SPEF2: variants seen among roughly 807,000 people sequenced by gnomAD.
The protein encoded by SPEF2 is sperm flagellar and cilia associated 2.
SPEF2 carries 187 observed loss-of-function variants against 224.6 expected under a neutral mutation model. That is an observed-to-expected ratio of 0.83 (90% CI 0.74 to 0.94). The LOEUF is 0.94. Among genes scored for constraint, SPEF2 ranks in the 40% least tolerant of loss-of-function variants. The pLI is 0.00. For synonymous variants in SPEF2, 715 were observed against 707.3 expected (o/e 1.01, Z -0.17); for missense variants, 2,170 against 2,135.6 (o/e 1.02, Z -0.32).
chr5:35,794,602 T>G (rs1756410520), intron 32 of SPEF2, among the ~76,000 whole-genome samples: 2 of 152,200 alleles, frequency 1.3e-5, no homozygotes, highest in South Asian at 4.1e-4. Flanking sequence ...TTACTCTGTT[T>G]CCATAGCTGT....
At chr5:35,756,268 G>A (rs765398557) in intron 24 of SPEF2, among the ~76,000 whole-genome samples, 2 of 152,112 alleles carry the variant, frequency 1.3e-5, no homozygotes, top group African/African-American at 2.4e-5. Context: ...AAAAATCATA[G>A]TGTATATAAG....
At chr5:35,762,367 A>G (rs1338914547) in intron 25 of SPEF2, among the ~76,000 whole-genome samples, 1 of 152,224 alleles carries the variant, frequency 6.6e-6, no homozygotes, top group Non-Finnish European at 1.5e-5. Context: ...TGATCGCACA[A>G]GCCTTACCCG....
chr5:35,628,297 A>G (rs558814535), intron 1 of SPEF2, among the ~76,000 whole-genome samples, 163 bp from the exon 2 acceptor site: 5 of 152,262 alleles, frequency 3.3e-5, no homozygotes, highest in East Asian at 1.9e-4. Context: ...TTAAATGTCA[A>G]CCTTTTCCTT....
intron 2 of SPEF2, among the ~76,000 whole-genome samples, chr5:35,639,956 T>C (rs1746366361): frequency 6.6e-6 from 1 of 152,136 alleles, no homozygotes; most frequent in African/African-American, 2.4e-5. Flanking sequence ...TCCACCAATT[T>C]ACACACAAGT....
intron 21 of SPEF2, among the ~76,000 whole-genome samples, chr5:35,736,734 G>C (rs1052723847): frequency 6.6e-6 from 1 of 152,262 alleles, no homozygotes; most frequent in South Asian, 2.1e-4. Flanking sequence ...TTACAAAATT[G>C]GTCTTGTTTG....
chr5:35,648,607 T>G (rs1747742877), intron 5 of SPEF2, among the ~76,000 whole-genome samples: 1 of 152,148 alleles, frequency 6.6e-6, no homozygotes, highest in Non-Finnish European at 1.5e-5. Context: ...ATTACAGGTG[T>G]GAGCCACTGC....
intron 8 of SPEF2, among the ~76,000 whole-genome samples, chr5:35,664,433 G>A (rs181109945): frequency 5.3e-4 from 80 of 152,214 alleles, no homozygotes; most frequent in Non-Finnish European, 1.0e-3. Context: ...GCTCACACCT[G>A]TAATCCCACC....
rs1337345228 is a variant in SPEF2, at chr5:35,618,050, C to T, written c.53C>T (p.Thr18Ile). The T allele has an allele frequency of 1.3e-6, 2 of 1,584,184 alleles. No homozygotes were observed. Among genetic ancestry groups the T allele is most frequent in the Middle Eastern group, 3.3e-4 (2 of 6,020 alleles). The part of the protein sequence containing the change: ...WLNKELKVSR[T>I]VSPKSFAKAF... ...AACAAGGAGTTGAAGGTGTCCCGGA[C>T]CGTGAGTGAGTGACCACGGCCAGGG... Residue 18 changes from threonine to isoleucine, a missense_variant, in exon 1 of 37, where the codon ACC becomes ATC. Thr to Ile is a moderately conservative substitution (Grantham distance 89). Transcript: ENST00000356031.
Position 35,748,561 on chromosome 5 carries a change from C to T in SPEF2, c.3331-5063C>T, listed in dbSNP as rs530625409. On this transcript the variant is annotated intron_variant, in intron 23 of 36. Transcript: ENST00000356031. ...TATGAACACCTTTACACACATAAAC[C>T]TGAAAACCTAGAAGAGTTGGATATA... 1.9e-4 allele frequency among the ~76,000 whole-genome samples: 29 copies of T among 152,130 alleles called. No homozygotes were observed. The East Asian group carries it at 5.6e-3, about 29-fold the overall frequency.
At position 35,645,304 on chromosome 5, in the gene SPEF2, AG is replaced by A. The variant is rs201270959; in HGVS notation, c.585+782del. ...ATTCTGAATGTAGTCAGCTCTTTGT[AG>A]GGAAGAATGGGAAGATGACAGACAA... On this transcript the variant is annotated intron_variant, in intron 4 of 36. Coordinates refer to ENST00000356031, the MANE Select transcript of SPEF2 (RefSeq NM_024867.4). Among the ~76,000 whole-genome samples the A allele has an allele frequency of 4.7e-3, 719 of 152,298 alleles. 20 individuals are homozygous for A. Among genetic ancestry groups the A allele is most frequent in the Admixed American group, 0.035 (531 of 15,304 alleles).
At chr5:35,808,579 T>C (rs1368344968) in intron 36 of SPEF2, among the ~76,000 whole-genome samples, 1 of 152,078 alleles carries the variant, frequency 6.6e-6, no homozygotes, top group Admixed American at 6.6e-5. Flanking sequence ...GGACATGAAG[T>C]CATCCTTTTA....
intron 34 of SPEF2, among the ~76,000 whole-genome samples, chr5:35,801,162 G>A (rs892962191): frequency 3.9e-5 from 6 of 152,346 alleles, no homozygotes; most frequent in African/African-American, 7.2e-5. Flanking sequence ...TCAGCCTGGA[G>A]TGTGTATTTC....
chr5:35,691,833 C>G (rs1025856191), intron 11 of SPEF2, among the ~76,000 whole-genome samples: 1 of 152,034 alleles, frequency 6.6e-6, no homozygotes, highest in African/African-American at 2.4e-5. Flanking sequence ...GAGTCTCGCT[C>G]TGTTGGCCCA....
chr5:35,794,097 G>A lies in SPEF2; in HGVS notation c.4737+756G>A, dbSNP rs773330399. Among the ~76,000 whole-genome samples the A allele has an allele frequency of 7.9e-5, 12 of 152,314 alleles. 2 individuals carry two copies. Among genetic ancestry groups the A allele is most frequent in the East Asian group, 1.9e-4 (1 of 5,184 alleles). The stretch of plus-strand genomic sequence containing the variant: ...CAGAAGTTAGATGGCAGAGGGTTGA[G>A]GACATGAATGGGTCTTTAGGAAGTG... On this transcript the variant is annotated intron_variant, in intron 32 of 36. Coordinates refer to ENST00000356031, the MANE Select transcript of SPEF2 (RefSeq NM_024867.4).
At chr5:35,654,493 G>A in intron 6 of SPEF2, 47 bp from the exon 7 acceptor site, 1 of 1,436,980 alleles carries the variant, frequency 7.0e-7, no homozygotes, top group Non-Finnish European at 9.3e-7. Context: ...AGTGGCATGG[G>A]ATCACATTAT....
At chr5:35,796,414 A>G (rs533916791) in intron 33 of SPEF2, among the ~76,000 whole-genome samples, 40 of 151,742 alleles carry the variant, frequency 2.6e-4, no homozygotes, top group African/African-American at 8.7e-4. Flanking sequence ...GATCGAGACC[A>G]TCCTGGCTAA....
chr5:35,732,285 G>A (rs1745761171), intron 21 of SPEF2, among the ~76,000 whole-genome samples: 1 of 152,220 alleles, frequency 6.6e-6, no homozygotes, highest in African/African-American at 2.4e-5. Flanking sequence ...AATTCAGTTC[G>A]ACCCATTCTT....
intron 16 of SPEF2, among the ~76,000 whole-genome samples, chr5:35,703,949 TC>T: frequency 6.6e-6 from 1 of 152,190 alleles, no homozygotes; most frequent in East Asian, 1.9e-4. Context: ...AGGCTTTCTT[TC>T]CTCTTTATGA....
intron 26 of SPEF2, among the ~76,000 whole-genome samples, chr5:35,765,843 T>C (rs1178376305): frequency 1.3e-5 from 2 of 151,956 alleles, no homozygotes; most frequent in South Asian, 2.1e-4. Context: ...ACTCTAGAGG[T>C]TTTTTCATGA....
Sources: allele counts gnomAD v4.1 joint callset (sites outside exome capture counted in the v4.1 genomes callset), GRCh38; gene constraint gnomAD v4.1.1; transcripts MANE v1.5; gene names NCBI Gene and HGNC (gene_info 2026-07-23, HGNC 2026-07-21).